PECAM1: variants seen among roughly 807,000 people sequenced by gnomAD.
PECAM1 encodes platelet and endothelial cell adhesion molecule 1.
PECAM1 carries 8 observed loss-of-function variants against 13.8 expected under a neutral mutation model. The ratio of observed to expected loss-of-function variants is 0.58; its 90% confidence interval spans 0.34 to 1.05. PECAM1 has a LOEUF of 1.05. Ranked by LOEUF, PECAM1 falls within the 50% of genes least tolerant of loss-of-function variation. The pLI is 0.03. For missense variants in PECAM1, 304 were observed against 141.2 expected (o/e 2.15, Z -5.84); for synonymous variants, 136 against 52.6 (o/e 2.58, Z -6.86).
chr17:64,326,719 G>C (rs1021544713), intron 15 of PECAM1, among the ~76,000 whole-genome samples: 4 of 152,190 alleles, frequency 2.6e-5, no homozygotes, highest in African/African-American at 9.7e-5. Flanking sequence ...ACAATCAACA[G>C]GGCCTTAGGG....
At position 64,375,058 on chromosome 17, in the gene PECAM1, G is replaced by A. The variant is rs118195022; in HGVS notation, c.684C>T (p.Thr228=). 87 of 475,212 alleles carry A rather than the reference G, an allele frequency of 1.8e-4. No homozygotes were observed. The highest frequency in any genetic ancestry group is 1.2e-3 in the African/African-American group (61 of 50,612). The allele number at this position is 475,212 out of a possible 1,614,324, so 29.4% of individuals were successfully genotyped here. A position where few individuals can be genotyped will look rare whatever the true frequency, so the allele number is the denominator to read the frequency against. The change falls in exon 4 of 16, where the codon ACC becomes ACT. Residue 228 remains threonine (T), a synonymous_variant. Coordinates refer to ENST00000563924, the MANE Select transcript of PECAM1 (RefSeq NM_000442.5). ...AGGGAGCAGGATGCTGACCCGTCAC[G>A]GTGACCAGTTCACTCTTGGTAGATT... The part of the protein sequence containing the change: ...TSESTKSELV[T]VTESFSTPKF...
chr17:64,376,305 A>AAAAT (rs386627358), intron 3 of PECAM1, among the ~76,000 whole-genome samples: 3,937 of 148,468 alleles, frequency 0.027, 70 homozygotes, highest in Middle Eastern at 0.069. Context: ...ACTCTGTCTA[A>AAAAT]AAATAAATAA....
At chr17:64,357,296 A>G (rs1405224300) in intron 7 of PECAM1, among the ~76,000 whole-genome samples, 8 of 152,166 alleles carry the variant, frequency 5.3e-5, no homozygotes. Context: ...TCTCTGAGCC[A>G]CTGACACCTA....
At chr17:64,336,883 AGAAG>A (rs61683923) in intron 14 of PECAM1, among the ~76,000 whole-genome samples, 69,202 of 149,500 alleles carry the variant, frequency 0.46, 17,222 homozygotes, top group East Asian at 0.68. Context: ...AAGAAAAGAA[AGAAG>A]GAAGGAAGGA....
intron 13 of PECAM1, among the ~76,000 whole-genome samples, chr17:64,343,176 G>A (rs1699738469): frequency 1.3e-5 from 2 of 152,182 alleles, no homozygotes; most frequent in African/African-American, 4.8e-5. Context: ...TTCCCTCCTC[G>A]GAGTGAATGG....
chr17:64,383,862 C>G (rs984054755), intron 2 of PECAM1, among the ~76,000 whole-genome samples: 1 of 152,166 alleles, frequency 6.6e-6, no homozygotes, highest in South Asian at 2.1e-4. Flanking sequence ...CAGGGTGTGG[C>G]GGCTCACACC....
At chr17:64,354,486 G>T (rs1252408385) in intron 9 of PECAM1, among the ~76,000 whole-genome samples, 3 of 152,178 alleles carry the variant, frequency 2.0e-5, no homozygotes, top group Non-Finnish European at 4.4e-5. Flanking sequence ...ATTTACTGAT[G>T]CTCTGCCCTT....
At chr17:64,335,265 C>T (rs931406358) in intron 14 of PECAM1, among the ~76,000 whole-genome samples, 2 of 152,040 alleles carry the variant, frequency 1.3e-5, no homozygotes, top group African/African-American at 4.8e-5. Flanking sequence ...TAGAATATTA[C>T]TCTTCATGTT....
At chr17:64,352,060 A>G (rs2035736627) in intron 11 of PECAM1, among the ~76,000 whole-genome samples, 1 of 152,184 alleles carries the variant, frequency 6.6e-6, no homozygotes, top group East Asian at 1.9e-4. Flanking sequence ...CAATGTTTTC[A>G]TTCAATACCT....
chr17:64,355,774 TC>T (rs1273767793), intron 8 of PECAM1, among the ~76,000 whole-genome samples: 1 of 152,136 alleles, frequency 6.6e-6, no homozygotes, highest in African/African-American at 2.4e-5. Flanking sequence ...ATAAGTGGGT[TC>T]CCCAATCATG....
At chr17:64,362,739 G>C (rs1379255155) in intron 6 of PECAM1, among the ~76,000 whole-genome samples, 1 of 151,946 alleles carries the variant, frequency 6.6e-6, no homozygotes. Flanking sequence ...TGTAATCCCA[G>C]CTACTTGGGA....
chr17:64,377,972 G>A lies in PECAM1; in HGVS notation c.237C>T (p.Asp79=), dbSNP rs2143878390. 6.3e-6 allele frequency: 3 copies of A among 475,330 alleles called. No individual in the cohort carries two copies. The highest frequency in any genetic ancestry group is 6.7e-5 in the South Asian group (1 of 14,882). 29.4% of individuals were successfully genotyped at this position (475,330 alleles called of 1,614,324 possible). Residue 79 remains aspartate, a synonymous_variant, in exon 3 of 16, where the codon GAC becomes GAT. Coordinates refer to ENST00000563924, the MANE Select transcript of PECAM1 (RefSeq NM_000442.5). The part of the protein sequence containing the change: ...PQHQMLFYKD[D]VLFYNISSMK... ...TGGAGGAGATGTTGTAAAACAGCAC[G>A]TCATCCTTATAGAACAGCATCTGGT...
At position 64,356,369 on chromosome 17, in the gene PECAM1, G is replaced by C. The variant is rs1598026148; in HGVS notation, c.1522C>G (p.Leu508Val). 5 of 471,806 alleles carry C rather than the reference G, an allele frequency of 1.1e-5. No homozygotes were observed. The East Asian group carries it at 1.6e-4, about 15-fold the overall frequency. 29.2% of individuals were successfully genotyped at this position (471,806 alleles called of 1,614,324 possible). ...CCAGACTCCACCACCTTACTTGACA[G>C]GATAGAAATCTGGACCTCATCCACC... ...APVDEVQISI[L>V]SSKVVESGED... Residue 508 changes from leucine (L) to valine (V), a missense_variant, in exon 8 of 16, where the codon CTG becomes GTG. Leu to Val is a conservative substitution (Grantham distance 32, BLOSUM62 1). Transcript: ENST00000563924.
intron 2 of PECAM1, among the ~76,000 whole-genome samples, chr17:64,389,934 G>A (rs1218812551): frequency 6.6e-6 from 1 of 151,914 alleles, no homozygotes; most frequent in Non-Finnish European, 1.5e-5. Flanking sequence ...TCTAATTCCA[G>A]CTACTTAGGA....
intron 7 of PECAM1, among the ~76,000 whole-genome samples, chr17:64,357,131 ACT>A (rs1334816227): frequency 5.3e-5 from 8 of 151,500 alleles, no homozygotes; most frequent in Non-Finnish European, 1.2e-4. Context: ...CTTCCTCATG[ACT>A]CTGATTCTCT....
At chr17:64,377,267 G>T (rs2036381042) in intron 3 of PECAM1, among the ~76,000 whole-genome samples, 2 of 152,178 alleles carry the variant, frequency 1.3e-5, no homozygotes, top group Non-Finnish European at 2.9e-5. Context: ...GTACTGACTG[G>T]CACCCTGGGG....
chr17:64,373,703 A>C (rs1436912037), intron 4 of PECAM1, among the ~76,000 whole-genome samples: 1 of 152,172 alleles, frequency 6.6e-6, no homozygotes, highest in Non-Finnish European at 1.5e-5. Context: ...TACCCAGAGC[A>C]CACATGATTT....
intron 2 of PECAM1, among the ~76,000 whole-genome samples, chr17:64,389,811 G>C (rs886568193): frequency 6.6e-6 from 1 of 152,152 alleles, no homozygotes; most frequent in Non-Finnish European, 1.5e-5. Flanking sequence ...ACTTTGGGAG[G>C]TGGAGGCCAG....
intron 6 of PECAM1, among the ~76,000 whole-genome samples, chr17:64,360,691 A>T (rs2035953059): frequency 6.6e-6 from 1 of 151,558 alleles, no homozygotes; most frequent in Non-Finnish European, 1.5e-5. Flanking sequence ...AAAACATTAC[A>T]TCCCCAGAAA....
Sources: gnomAD v4.1 joint callset for allele counts (sites outside exome capture counted in the v4.1 genomes callset) on GRCh38, gnomAD v4.1.1 for gene constraint, MANE v1.5 for transcripts, NCBI Gene and HGNC (gene_info 2026-07-23, HGNC 2026-07-21) for gene names.